The following EBF4 variants were observed in gnomAD, a reference collection of about 807,000 sequenced individuals.
The protein encoded by EBF4 is EBF transcription factor 4.
In EBF4, 34 loss-of-function variants were observed where a neutral mutation model predicts 67.1. The ratio of observed to expected loss-of-function variants is 0.51; its 90% CI spans 0.39 to 0.67. The LOEUF (loss-of-function observed/expected upper bound fraction) is 0.67, where lower values mean the gene tolerates loss of function less well. Among genes scored for constraint, EBF4 ranks in the 30% least tolerant of loss-of-function variants. EBF4 has a pLI of 0.00. For missense variants in EBF4, 837 were observed against 873.3 expected, an observed-to-expected ratio of 0.96 and a Z score of 0.52; for synonymous variants, 387 against 377.7, an observed-to-expected ratio of 1.02 and a Z score of -0.29.
intron 1 of EBF4, among the ~76,000 whole-genome samples, chr20:2,694,230 C>T (rs1029614092): frequency 2.6e-5 from 4 of 152,212 alleles, no homozygotes; most frequent in Non-Finnish European, 5.9e-5. Flanking sequence ...TTTCCCACGC[C>T]CCTCAGAGTT....
At chr20:2,705,439 T>C (rs2087438484) in intron 1 of EBF4, 138 bp from the exon 2 acceptor site, 2 of 1,190,222 alleles carry the variant, frequency 1.7e-6, no homozygotes, top group Non-Finnish European at 1.2e-6. Context: ...GGAAAGGGCC[T>C]GTCTAGTTGG....
At chr20:2,705,909 G>A in intron 2 of EBF4, 65 bp from the exon 3 acceptor site, 2 of 1,522,938 alleles carry the variant, frequency 1.3e-6, no homozygotes, top group Non-Finnish European at 1.8e-6. Flanking sequence ...GTTAGGAGAA[G>A]GGGTGGACAA....
rs2087244791 is a variant in EBF4 at position 2,693,663 on chromosome 20, C to T, written c.18C>T (p.Asp6=). ...GCGCCCTCATGTTCCCTGCGCAGGA[C>T]GCTCTGCCCCGCAGCGGGCTGAACC... The change falls in exon 1 of 17, where the codon GAC becomes GAT. Residue 6 remains aspartate, a synonymous_variant. Transcript: ENST00000609451. This position sits in a 1 kb window ranked among gnomAD's most constrained non-coding sequence, Gnocchi z 4.6. 6.9e-7 allele frequency: 1 copy of T among 1,444,358 alleles called. No homozygotes were observed. Among genetic ancestry groups the T allele is most frequent in the South Asian group, 1.4e-5 (1 of 73,496 alleles). 89.5% of individuals were successfully genotyped at this position (1,444,358 alleles called of 1,614,324 possible).
At chr20:2,705,785 C>CCACCCA in intron 2 of EBF4, 52 bp downstream of exon 2, 1 of 750,292 alleles carries the variant, frequency 1.3e-6, no homozygotes, top group Non-Finnish European at 2.1e-6. Context: ...GAACCCCCAA[C>CCACCCA]CACACACACA....
At chr20:2,703,410 C>CCT (rs2087405282) in intron 1 of EBF4, among the ~76,000 whole-genome samples, 1 of 151,752 alleles carries the variant, frequency 6.6e-6, no homozygotes, top group African/African-American at 2.4e-5. Flanking sequence ...CACTCCAGCC[C>CCT]GGATGACAGA....
At chr20:2,729,168 A>G (rs1029935364) in intron 6 of EBF4, among the ~76,000 whole-genome samples, 1 of 151,408 alleles carries the variant, frequency 6.6e-6, no homozygotes, top group Non-Finnish European at 1.5e-5. Context: ...AATGGGTTCA[A>G]TGGGTCCATG....
At chr20:2,734,756 C>T (rs960780021) in intron 6 of EBF4, among the ~76,000 whole-genome samples, 1 of 152,214 alleles carries the variant, frequency 6.6e-6, no homozygotes, top group African/African-American at 2.4e-5. Flanking sequence ...TCTTTAAATG[C>T]CTTGAATGCC....
intron 6 of EBF4, among the ~76,000 whole-genome samples, chr20:2,719,872 G>A (rs1311397419): frequency 6.6e-6 from 1 of 152,124 alleles, no homozygotes; most frequent in Non-Finnish European, 1.5e-5. Flanking sequence ...TGTTGTTATT[G>A]CGTGAAATGT....
At chr20:2,733,665 A>G (rs781227841) in intron 6 of EBF4, among the ~76,000 whole-genome samples, 44 of 151,986 alleles carry the variant, frequency 2.9e-4, no homozygotes, top group Non-Finnish European at 5.6e-4. Context: ...ATTCAAGTAT[A>G]CTGATTTTTT....
intron 14 of EBF4, among the ~76,000 whole-genome samples, chr20:2,753,544 C>T (rs186738065): frequency 1.3e-5 from 2 of 152,382 alleles, no homozygotes; most frequent in African/African-American, 4.8e-5. Flanking sequence ...CAAGAAGCCT[C>T]CCTATCAATC....
intron 3 of EBF4, 83 bp downstream of exon 3, chr20:2,706,120 G>A: frequency 1.9e-6 from 3 of 1,548,642 alleles, no homozygotes; most frequent in Admixed American, 2.0e-5. Flanking sequence ...TGCCCCCTGT[G>A]CCAGGGCTGG....
At chr20:2,744,493 T>TTC (rs2088020418) in intron 6 of EBF4, among the ~76,000 whole-genome samples, 1 of 50,534 alleles carries the variant, frequency 2.0e-5, no homozygotes, top group East Asian at 7.8e-4. Flanking sequence ...TTTTCTTTTC[T>TTC]TTTTTTTTTT....
downstream of EBF4, chr20:2,759,402 C>T (rs1300241546): frequency 4.2e-6 from 1 of 240,480 alleles, no homozygotes; most frequent in Non-Finnish European, 8.3e-6. Context: ...CGGGGAGAGG[C>T]CTTCACCCCA....
rs1240584882 is a variant in EBF4 at position 2,753,963 on chromosome 20, C to CCCTTGGTTTTGAAACTTTCA, written c.1540+1424_1540+1425insTTTTGAAACTTTCACCTTGG. ...CCCTCACAGCCTCTCTGTGGGCACC[C>CCCTTGGTTTTGAAACTTTCA]CCTTGGGCCAACACTGGTGGGGGTA... On this transcript the variant is annotated intron_variant, in intron 14 of 16. Coordinates refer to ENST00000609451, the Ensembl canonical transcript of EBF4. Among the ~76,000 whole-genome samples the CCCTTGGTTTTGAAACTTTCA allele has an allele frequency of 5.1e-3, 771 of 152,306 alleles. 4 individuals carry two copies. Among genetic ancestry groups the CCCTTGGTTTTGAAACTTTCA allele is most frequent in the African/African-American group, 0.018 (744 of 41,552 alleles).
rs1435049697 is a variant in EBF4 at position 2,745,229 on chromosome 20, G to C, written c.558-3320G>C. ...GTGACGCTGACGCTGCTGGTCTTAGGGGGTGGTGCAGGCTCTCTGACTGGG... is the reference window on the plus strand; with the variant it reads ...GTGACGCTGACGCTGCTGGTCTTAGCGGGTGGTGCAGGCTCTCTGACTGGG... On this transcript the variant is annotated intron_variant, in intron 6 of 16. Transcript: ENST00000609451. This position sits in a 1 kb window ranked among gnomAD's most constrained non-coding sequence, Gnocchi z 5.2. Among the ~76,000 whole-genome samples, 4 of 152,190 alleles carry C rather than the reference G, an allele frequency of 2.6e-5. No individual in the cohort carries two copies. Among genetic ancestry groups the C allele is most frequent in the Admixed American group, 2.0e-4 (3 of 15,278 alleles).
chr20:2,703,256 TAAAAAAAA>T (rs58171984), intron 1 of EBF4, among the ~76,000 whole-genome samples: 2,339 of 114,140 alleles, frequency 0.02, 57 homozygotes, highest in East Asian at 0.083. Flanking sequence ...GACCCTGTCT[TAAAAAAAA>T]AAAAAAAAAA....
At chr20:2,698,153 TC>T (rs1209994702) in intron 1 of EBF4, among the ~76,000 whole-genome samples, 4 of 152,040 alleles carry the variant, frequency 2.6e-5, no homozygotes, top group East Asian at 3.9e-4. Context: ...GTGAGATTCT[TC>T]CCCCTCCCTT....
intron 6 of EBF4, among the ~76,000 whole-genome samples, chr20:2,713,736 G>A (rs1391960387): frequency 1.3e-5 from 2 of 152,200 alleles, no homozygotes; most frequent in African/African-American, 2.4e-5. Context: ...TGGGTAAAGA[G>A]ACGAGTATGA....
chr20:2,694,262 C>T (rs1270118469), intron 1 of EBF4, among the ~76,000 whole-genome samples: 1 of 152,204 alleles, frequency 6.6e-6, no homozygotes, highest in Non-Finnish European at 1.5e-5. Context: ...GTGTGCAGAG[C>T]CAGAGAAGCG....
Sources: gnomAD v4.1 joint callset for allele counts (sites outside exome capture counted in the v4.1 genomes callset) on GRCh38, gnomAD v4.1.1 for gene constraint, Gnocchi (gnomAD v3.1) non-coding constraint, MANE v1.5 for transcripts, NCBI Gene and HGNC (gene_info 2026-07-23, HGNC 2026-07-21) for gene names.